The following EYS variants were observed in gnomAD, a reference collection of about 807,000 sequenced individuals.
EYS encodes the protein EGF-like photoreceptor maintenance factor, also known as protein eyes shut homolog.
In EYS, 250 loss-of-function variants were observed where a neutral mutation model predicts 282.1. The ratio of observed to expected loss-of-function variants is 0.89; its 90% CI spans 0.80 to 0.98. EYS has a LOEUF of 0.98. Ranked by LOEUF, EYS falls within the 50% of genes least tolerant of loss-of-function variation. EYS has a pLI of 0.00. For missense variants in EYS, 4,016 were observed against 3,709.0 expected (o/e 1.08, Z -2.15); for synonymous variants, 1,355 against 1,282.9 (o/e 1.06, Z -1.20).
intron 33 of EYS, among the ~76,000 whole-genome samples, chr6:64,050,275 C>A (rs1259843929): frequency 6.6e-6 from 1 of 152,096 alleles, no homozygotes; most frequent in African/African-American, 2.4e-5. Context: ...CCCTCCCACC[C>A]CCTGCCATTA....
At chr6:64,738,649 A>G (rs1295455260) in intron 22 of EYS, among the ~76,000 whole-genome samples, 1 of 152,260 alleles carries the variant, frequency 6.6e-6, no homozygotes, top group Non-Finnish European at 1.5e-5. Context: ...GTCTATGTTC[A>G]TATTTGAAAA....
At chr6:65,497,676 A>G (rs1766303408) in intron 2 of EYS, among the ~76,000 whole-genome samples, 1 of 152,054 alleles carries the variant, frequency 6.6e-6, no homozygotes, top group Admixed American at 6.6e-5. Context: ...CAAAATAAAT[A>G]AATAAATAAA....
Position 65,353,518 on chromosome 6 carries a change from C to T in EYS, c.1399G>A (p.Gly467Ser). ...GCAGGACCTTTATCTTGGCAAATAC[C>T]ATGGAAGGTGACTCCACAGTAGCAG... ...HLCYCGVTFH[G>S]ICQDKGPAQF... is the part of the protein sequence containing the mutation. Residue 467 changes from glycine to serine, a missense_variant, in exon 9 of 43, where the codon GGT becomes AGT. Physicochemically the swap from Gly to Ser is moderately conservative, Grantham distance 56. Transcript: ENST00000503581. 6.2e-7 allele frequency: 1 copy of T among 1,613,024 alleles called. No individual in the cohort carries two copies. Among genetic ancestry groups the T allele is most frequent in the Non-Finnish European group, 8.5e-7 (1 of 1,179,370 alleles).
At chr6:65,476,470 T>C (rs1203322899) in intron 5 of EYS, among the ~76,000 whole-genome samples, 2 of 152,250 alleles carry the variant, frequency 1.3e-5, no homozygotes, top group African/African-American at 2.4e-5. Context: ...TTAAACTTGA[T>C]GGAAAATTCT....
At chr6:64,052,753 T>C (rs1562175967) in intron 33 of EYS, among the ~76,000 whole-genome samples, 2 of 152,128 alleles carry the variant, frequency 1.3e-5, no homozygotes, top group African/African-American at 2.4e-5. Flanking sequence ...TGTTCTCTGA[T>C]AGTGAGTAAG....
At chr6:63,813,677 T>C (rs1463361377) in intron 36 of EYS, among the ~76,000 whole-genome samples, 1 of 152,218 alleles carries the variant, frequency 6.6e-6, no homozygotes, top group Non-Finnish European at 1.5e-5. Context: ...TCTTGGATTC[T>C]GTTTTCTATG....
intron 12 of EYS, among the ~76,000 whole-genome samples, chr6:65,254,219 G>A (rs1311899828): frequency 6.6e-6 from 1 of 151,704 alleles, no homozygotes; most frequent in African/African-American, 2.4e-5. Flanking sequence ...CACACACCCT[G>A]ATGTATATAC....
At chr6:64,038,484 T>C (rs1170811371) in intron 33 of EYS, among the ~76,000 whole-genome samples, 7 of 152,142 alleles carry the variant, frequency 4.6e-5, no homozygotes, top group African/African-American at 1.4e-4. Flanking sequence ...AAAAGTCTTA[T>C]CTTCTAGAGC....
intron 14 of EYS, among the ~76,000 whole-genome samples, chr6:64,973,182 T>C (rs1201107968): frequency 2.0e-5 from 3 of 152,010 alleles, no homozygotes; most frequent in African/African-American, 7.2e-5. Context: ...TTTGACAAAA[T>C]AATACACCTA....
chr6:65,569,068 G>A (rs1417268094), intron 2 of EYS, among the ~76,000 whole-genome samples: 3 of 152,146 alleles, frequency 2.0e-5, no homozygotes, highest in African/African-American at 7.2e-5. Flanking sequence ...TGACCTGCAT[G>A]TATACATCCA....
intron 15 of EYS, among the ~76,000 whole-genome samples, chr6:64,940,148 C>A (rs191999398): frequency 1.3e-5 from 2 of 152,154 alleles, no homozygotes; most frequent in East Asian, 3.9e-4. Flanking sequence ...AACCATCCCC[C>A]AAAATACAAG....
At chr6:64,938,202 T>C (rs1448386845) in intron 15 of EYS, among the ~76,000 whole-genome samples, 2 of 151,664 alleles carry the variant, frequency 1.3e-5, no homozygotes, top group African/African-American at 4.8e-5. Flanking sequence ...TAGATAGTGG[T>C]GATCCTTGTA....
intron 19 of EYS, among the ~76,000 whole-genome samples, chr6:64,862,072 G>A (rs555789820): frequency 2.6e-5 from 4 of 152,284 alleles, no homozygotes; most frequent in African/African-American, 9.6e-5. Flanking sequence ...GCTAGACAGT[G>A]ACTTCTAGGC....
At chr6:63,808,956 A>T (rs905736836) in intron 36 of EYS, among the ~76,000 whole-genome samples, 4 of 152,222 alleles carry the variant, frequency 2.6e-5, no homozygotes, top group Admixed American at 6.5e-5. Context: ...CTACTAGAAA[A>T]CAAAATGACA....
At chr6:64,662,331 T>G (rs1201391840) in intron 22 of EYS, among the ~76,000 whole-genome samples, 2 of 151,984 alleles carry the variant, frequency 1.3e-5, no homozygotes, top group Non-Finnish European at 2.9e-5. Context: ...GATGTATACA[T>G]ATGTAACTAA....
intron 22 of EYS, among the ~76,000 whole-genome samples, chr6:64,694,387 A>G (rs1424645951): frequency 6.6e-6 from 1 of 152,270 alleles, no homozygotes; most frequent in Non-Finnish European, 1.5e-5. Context: ...TAAGAAGGAA[A>G]AAGAATGCCT....
At chr6:64,088,226 A>C (rs1477347576) in intron 31 of EYS, among the ~76,000 whole-genome samples, 3 of 152,118 alleles carry the variant, frequency 2.0e-5, no homozygotes, top group Non-Finnish European at 4.4e-5. Context: ...AAGCCTCTTC[A>C]GGCGATGCTA....
chr6:64,002,870 A>T (rs1347835948), intron 33 of EYS, among the ~76,000 whole-genome samples: 3 of 152,074 alleles, frequency 2.0e-5, no homozygotes, highest in African/African-American at 7.2e-5. Flanking sequence ...TCTTTTGCTT[A>T]TTTGTATTTT....
intron 12 of EYS, among the ~76,000 whole-genome samples, chr6:65,196,324 G>A (rs1369071411): frequency 1.3e-5 from 2 of 151,934 alleles, no homozygotes; most frequent in Non-Finnish European, 2.9e-5. Context: ...CCATTCCCAT[G>A]GTTTTTTATA....
Sources: gnomAD v4.1 joint callset for allele counts (sites outside exome capture counted in the v4.1 genomes callset) on GRCh38, gnomAD v4.1.1 for gene constraint, MANE v1.5 for transcripts, NCBI Gene and HGNC (gene_info 2026-07-23, HGNC 2026-07-21) for gene names.